CNTNAP2: variants seen among roughly 807,000 people sequenced by gnomAD.
CNTNAP2 encodes contactin-associated protein-like 2.
A neutral mutation model predicts 155.2 loss-of-function variants in CNTNAP2; 98 were observed. The observed-to-expected ratio is 0.63, with a 90% CI of 0.54 to 0.75. The LOEUF (loss-of-function observed/expected upper bound fraction) is 0.75. Ranked by LOEUF, CNTNAP2 falls within the 30% of genes least tolerant of loss-of-function variation. The probability of loss-of-function intolerance (pLI) is 0.00; values close to 1 mark genes in which losing one functional copy is unlikely to be tolerated. For synonymous variants in CNTNAP2, 651 were observed against 631.2 expected (o/e 1.03, Z -0.47); for missense variants, 1,727 against 1,688.1 (o/e 1.02, Z -0.40).
At chr7:147,231,233 G>A (rs534791008) in intron 8 of CNTNAP2, among the ~76,000 whole-genome samples, 1 of 152,260 alleles carries the variant, frequency 6.6e-6, no homozygotes, top group Non-Finnish European at 1.5e-5. Flanking sequence ...ATGTCCTCCA[G>A]TTTCATCCAT....
At chr7:146,989,815 C>T (rs1380764997) in intron 3 of CNTNAP2, among the ~76,000 whole-genome samples, 4 of 151,996 alleles carry the variant, frequency 2.6e-5, no homozygotes, top group Non-Finnish European at 4.4e-5. Context: ...GAATAAAATG[C>T]ATTTCTTAGC....
chr7:147,121,916 G>T (rs185059635), intron 6 of CNTNAP2: 1 of 152,334 alleles, frequency 6.6e-6, no homozygotes, highest in East Asian at 1.9e-4. Context: ...GGTGGCGCAT[G>T]CCTGTAATCT....
Position 147,672,639 on chromosome 7 carries a change from A to G in CNTNAP2, c.2098+33333A>G, listed in dbSNP as rs1301532156. 2.6e-5 allele frequency: 4 copies of G among 152,144 alleles called. No homozygotes were observed. The East Asian group carries it at 5.8e-4, about 22-fold the overall frequency. 9.4% of individuals were successfully genotyped at this position (152,144 alleles called of 1,614,324 possible). On this transcript the variant is annotated intron_variant, in intron 13 of 23. Coordinates refer to ENST00000361727, the MANE Select transcript of CNTNAP2 (RefSeq NM_014141.6). ...TCTCTGGATATTTCTCTGTTGAAATATAGGTGTCAAGCACGTCCCATTTTA... is the reference window on the plus strand; with the variant it reads ...TCTCTGGATATTTCTCTGTTGAAATGTAGGTGTCAAGCACGTCCCATTTTA...
chr7:147,608,179 T>A (rs571500899), intron 12 of CNTNAP2, among the ~76,000 whole-genome samples: 1 of 147,400 alleles, frequency 6.8e-6, no homozygotes, highest in East Asian at 2.0e-4. Flanking sequence ...ACACTTACCA[T>A]AGAATAATTA....
chr7:146,601,654 G>T (rs959876732), intron 1 of CNTNAP2, among the ~76,000 whole-genome samples: 5 of 151,972 alleles, frequency 3.3e-5, no homozygotes, highest in Admixed American at 3.3e-4. Flanking sequence ...AAAAATCTGC[G>T]AAATTATGTT....
chr7:146,534,981 A>G (rs1235037820), intron 1 of CNTNAP2, among the ~76,000 whole-genome samples: 4 of 141,572 alleles, frequency 2.8e-5, no homozygotes, highest in Non-Finnish European at 6.0e-5. Context: ...TCTATAGTTA[A>G]TGTACACACA....
chr7:146,229,073 A>G (rs751644453), intron 1 of CNTNAP2, among the ~76,000 whole-genome samples: 9 of 152,210 alleles, frequency 5.9e-5, no homozygotes, highest in Non-Finnish European at 1.3e-4. Flanking sequence ...ATCTTTCAGC[A>G]TATCTCCTCT....
rs1554453475 is a variant in CNTNAP2 at position 147,949,459 on chromosome 7, T to TATATATA, written c.2256-28403_2256-28402insATATATA. Among the ~76,000 whole-genome samples the TATATATA allele has an allele frequency of 7.7e-5, 10 of 129,842 alleles. No homozygotes were observed. The South Asian group carries it at 1.0e-3, about 13-fold the overall frequency. 85.2% of individuals were successfully genotyped at this position (129,842 alleles called of 152,430 possible). On this transcript the variant is annotated intron_variant, in intron 14 of 23. Transcript: ENST00000361727. Reference sequence around the variant, plus strand: ...CTGTGTGTATATATATATATATATATTTTTTTTTTTTAGGTTTATTGCAGG... The same window carrying TATATATA: ...CTGTGTGTATATATATATATATATATATATATATTTTTTTTTTTAGGTTTATTGCAGG...
intron 21 of CNTNAP2, among the ~76,000 whole-genome samples, chr7:148,308,551 G>GTATTTAGT (rs1310412127): frequency 2.1e-4 from 31 of 148,386 alleles, no homozygotes; most frequent in African/African-American, 7.2e-4. Context: ...ACCTATTTAT[G>GTATTTAGT]TATTTATTTA....
At chr7:147,308,379 G>A (rs1795068466) in intron 9 of CNTNAP2, among the ~76,000 whole-genome samples, 1 of 152,184 alleles carries the variant, frequency 6.6e-6, no homozygotes, top group African/African-American at 2.4e-5. Context: ...TTGGATGAGG[G>A]AGAACAGTGG....
intron 4 of CNTNAP2, among the ~76,000 whole-genome samples, chr7:147,069,728 T>G (rs1799853208): frequency 6.6e-6 from 1 of 152,192 alleles, no homozygotes; most frequent in Admixed American, 6.5e-5. Flanking sequence ...GTTGCTTACT[T>G]ACTATCATTC....
chr7:146,389,193 T>C (rs1795504278), intron 1 of CNTNAP2, among the ~76,000 whole-genome samples: 1 of 151,146 alleles, frequency 6.6e-6, no homozygotes, highest in African/African-American at 2.4e-5. Context: ...ACAACATTAT[T>C]TTTATTATGG....
At chr7:146,397,976 C>T (rs551035620) in intron 1 of CNTNAP2, among the ~76,000 whole-genome samples, 18 of 150,838 alleles carry the variant, frequency 1.2e-4, no homozygotes, top group Middle Eastern at 3.4e-3. Flanking sequence ...TGGGCTCAAG[C>T]GATTCTCCCA....
chr7:147,488,528 C>T (rs1437457129), intron 11 of CNTNAP2, among the ~76,000 whole-genome samples: 1 of 145,798 alleles, frequency 6.9e-6, no homozygotes, highest in African/African-American at 2.6e-5. Context: ...AGAAATCATG[C>T]TAATTATTTT....
At chr7:146,462,475 C>G (rs569414765) in intron 1 of CNTNAP2, among the ~76,000 whole-genome samples, 2 of 152,290 alleles carry the variant, frequency 1.3e-5, no homozygotes, top group South Asian at 2.1e-4. Context: ...CAGACACTGT[C>G]TTCCCTTCTG....
intron 21 of CNTNAP2, among the ~76,000 whole-genome samples, chr7:148,364,526 T>C (rs1015804195): frequency 3.9e-5 from 6 of 152,088 alleles, no homozygotes; most frequent in African/African-American, 7.2e-5. Context: ...GGTTTGTAAA[T>C]ACACCAATCA....
At chr7:146,873,181 A>G (rs999544912) in intron 3 of CNTNAP2, among the ~76,000 whole-genome samples, 2 of 152,168 alleles carry the variant, frequency 1.3e-5, no homozygotes, top group Non-Finnish European at 2.9e-5. Flanking sequence ...AATGCTATAC[A>G]AGATGTCTGG....
intron 1 of CNTNAP2, among the ~76,000 whole-genome samples, chr7:146,298,329 G>C (rs1204476279): frequency 1.3e-5 from 2 of 152,084 alleles, no homozygotes; most frequent in Admixed American, 1.3e-4. Flanking sequence ...CCTGCAGAAG[G>C]CTACACATTC....
intron 15 of CNTNAP2, among the ~76,000 whole-genome samples, chr7:148,060,746 C>T (rs1803113310): frequency 1.3e-5 from 2 of 152,216 alleles, no homozygotes; most frequent in Non-Finnish European, 1.5e-5. Flanking sequence ...TTAGAGTATG[C>T]TAACTATGCC....
Sources: gnomAD v4.1 joint callset for allele counts (sites outside exome capture counted in the v4.1 genomes callset) on GRCh38, gnomAD v4.1.1 for gene constraint, MANE v1.5 for transcripts, NCBI Gene and HGNC (gene_info 2026-07-23, HGNC 2026-07-21) for gene names.